The following TULP4 variants were observed in gnomAD, a reference collection of about 807,000 sequenced individuals.
TULP4 encodes the protein tubby-related protein 4.
Under a neutral mutation model 129.0 loss-of-function variants are expected in TULP4, and 16 were observed. The observed-to-expected ratio is 0.12, with a 90% CI of 0.08 to 0.19. TULP4 has a LOEUF of 0.19. TULP4 is among the 10% of genes least tolerant of loss of function. The probability of loss-of-function intolerance (pLI) is 1.00; values close to 1 mark genes in which losing one functional copy is unlikely to be tolerated. For synonymous variants in TULP4, 998 were observed against 854.0 expected (o/e 1.17, Z -2.94); for missense variants, 1,842 against 2,059.1 (o/e 0.89, Z 2.04).
At chr6:158,367,035 G>T (rs1776927135) in intron 1 of TULP4, among the ~76,000 whole-genome samples, 1 of 146,326 alleles carries the variant, frequency 6.8e-6, no homozygotes, top group Admixed American at 6.9e-5. Flanking sequence ...TATTTTCTAA[G>T]CTGGACTTTG....
At chr6:158,352,268 T>C (rs1469880315) in intron 1 of TULP4, among the ~76,000 whole-genome samples, 1 of 152,346 alleles carries the variant, frequency 6.6e-6, no homozygotes, top group African/African-American at 2.4e-5. Flanking sequence ...CTAAAATTTC[T>C]AGATCTTATG....
chr6:158,254,495 G>C lies in TULP4; in HGVS notation n.68+22192G>C, dbSNP rs182685806. Among the ~76,000 whole-genome samples the C allele has an allele frequency of 4.3e-3, 653 of 152,252 alleles. 2 individuals are homozygous for C. The highest frequency in any genetic ancestry group is 5.1e-3 in the Non-Finnish European group (346 of 68,006). ...CCATTAGTAGATTACACATACTTCA[G>C]TTTGGCCAGATAAGAGTGTTGGCCT... On this transcript the variant is annotated intron_variant and non_coding_transcript_variant, in intron 1 of 1. Coordinates refer to the TULP4 transcript ENST00000620026.
At chr6:158,334,713 A>G (rs1779992309) in intron 1 of TULP4, among the ~76,000 whole-genome samples, 1 of 152,162 alleles carries the variant, frequency 6.6e-6, no homozygotes, top group Non-Finnish European at 1.5e-5. Flanking sequence ...TGTCCTCCAA[A>G]ATTCACATGT....
chr6:158,422,790 C>T (rs1236005009), intron 2 of TULP4, among the ~76,000 whole-genome samples: 1 of 152,172 alleles, frequency 6.6e-6, no homozygotes, highest in African/African-American at 2.4e-5. Context: ...ATGTAGCCTG[C>T]GGAAAACGCT....
At chr6:158,271,149 CA>C (rs1220844247) in intron 1 of TULP4, among the ~76,000 whole-genome samples, 23,896 of 79,142 alleles carry the variant, frequency 0.3, 1,700 homozygotes, top group East Asian at 0.48. Context: ...GACTCTGTCT[CA>C]AAAAAAAAAA....
At chr6:158,330,959 C>T (rs1177190633) in intron 1 of TULP4, among the ~76,000 whole-genome samples, 1 of 152,124 alleles carries the variant, frequency 6.6e-6, no homozygotes, top group Admixed American at 6.5e-5. Flanking sequence ...AGCCAGAATA[C>T]TACATAAATG....
intron 3 of TULP4, among the ~76,000 whole-genome samples, chr6:158,441,509 C>T (rs1322779655): frequency 6.6e-6 from 1 of 152,148 alleles, no homozygotes; most frequent in Non-Finnish European, 1.5e-5. Flanking sequence ...AGCGTTTAGC[C>T]AGATGGTGAA....
intron 1 of TULP4, among the ~76,000 whole-genome samples, chr6:158,339,642 A>G (rs1780133867): frequency 6.6e-6 from 1 of 152,136 alleles, no homozygotes; most frequent in African/African-American, 2.4e-5. Flanking sequence ...ATTCAGCAAT[A>G]TTTCTCTTAC....
At chr6:158,320,679 G>A (rs1000445277) in intron 1 of TULP4, among the ~76,000 whole-genome samples, 7 of 152,116 alleles carry the variant, frequency 4.6e-5, no homozygotes, top group South Asian at 2.1e-4. Context: ...TGATCCACCC[G>A]CCTCAGCCTC....
chr6:158,346,463 C>T (rs181418486), intron 1 of TULP4, among the ~76,000 whole-genome samples: 133 of 151,988 alleles, frequency 8.8e-4, no homozygotes, highest in African/African-American at 3.0e-3. Context: ...ACATAACTCT[C>T]GTATGCACTA....
intron 8 of TULP4, among the ~76,000 whole-genome samples, chr6:158,485,095 G>A (rs138353813): frequency 1.8e-4 from 28 of 152,320 alleles, no homozygotes; most frequent in African/African-American, 6.7e-4. Flanking sequence ...TGGATGAAAG[G>A]TGATCCTATA....
chr6:158,381,613 T>C (rs918762703), intron 1 of TULP4, among the ~76,000 whole-genome samples: 5 of 152,214 alleles, frequency 3.3e-5, no homozygotes, highest in African/African-American at 9.7e-5. Context: ...CTTTGCAGGC[T>C]TGATGGTCAT....
rs1160814801 is a variant in TULP4, at chr6:158,351,707, CTTTTTTTTTTTT to C, written c.252+37457_252+37468del. On this transcript the variant is annotated intron_variant, in intron 1 of 13. Coordinates refer to ENST00000367097, the MANE Select transcript of TULP4 (RefSeq NM_020245.5). ...AGTAGCATCTTTTTGTGTTGTTAAA[CTTTTTTTTTTTT>C]TTTTTTTTTTTTTTTTTGAGACAGA... Among the ~76,000 whole-genome samples, 308 of 50,532 alleles carry C rather than the reference CTTTTTTTTTTTT, an allele frequency of 6.1e-3. 5 individuals carry two copies. The highest frequency in any genetic ancestry group is 0.022 in the African/African-American group (275 of 12,274). The allele number at this position is 50,532 out of a possible 152,430, so 33.2% of individuals were successfully genotyped here.
At position 158,241,236 on chromosome 6, in the gene TULP4, G is replaced by A. The variant is rs1436447042; in HGVS notation, n.68+8933G>A. Among the ~76,000 whole-genome samples, 17 of 125,860 alleles carry A rather than the reference G, an allele frequency of 1.4e-4. 1 individual carries two copies. In the South Asian group the frequency reaches 2.3e-3, roughly 17 times the overall value. 82.6% of individuals were successfully genotyped at this position (125,860 alleles called of 152,430 possible). On this transcript the variant is annotated intron_variant and non_coding_transcript_variant, in intron 1 of 1. Transcript: ENST00000620026. ...TCACTTCCTAGATGGGATGGCGGCCGGGCGGAGACGCTCCTCACTTTCCAG... is the reference window on the plus strand; with the variant it reads ...TCACTTCCTAGATGGGATGGCGGCCAGGCGGAGACGCTCCTCACTTTCCAG...
intron 2 of TULP4, among the ~76,000 whole-genome samples, chr6:158,420,195 A>G (rs1434271058): frequency 6.6e-6 from 1 of 152,260 alleles, no homozygotes; most frequent in Admixed American, 6.5e-5. Flanking sequence ...TTGATTTATG[A>G]ACACTGAAAT....
At chr6:158,365,253 A>G (rs984193753) in intron 1 of TULP4, among the ~76,000 whole-genome samples, 2 of 151,644 alleles carry the variant, frequency 1.3e-5, no homozygotes, top group East Asian at 1.9e-4. Context: ...TTTTATCTCT[A>G]TTCTATACAC....
At chr6:158,395,430 A>G (rs1777686261) in intron 1 of TULP4, among the ~76,000 whole-genome samples, 1 of 151,818 alleles carries the variant, frequency 6.6e-6, no homozygotes, top group Admixed American at 6.6e-5. Context: ...AAAATACAAA[A>G]ATTAGCTGGG....
At chr6:158,301,514 A>G (rs1779130543) in intron 1 of TULP4, among the ~76,000 whole-genome samples, 2 of 152,178 alleles carry the variant, frequency 1.3e-5, no homozygotes, top group Non-Finnish European at 1.5e-5. Context: ...AAGGAACCAC[A>G]ATTAAATTCG....
chr6:158,243,395 G>C (rs1777963136), intron 1 of TULP4, among the ~76,000 whole-genome samples: 1 of 151,752 alleles, frequency 6.6e-6, no homozygotes, highest in African/African-American at 2.4e-5. Flanking sequence ...ATATATTTGT[G>C]TGTATGTATG....
Sources: allele counts gnomAD v4.1 joint callset (sites outside exome capture counted in the v4.1 genomes callset), GRCh38; gene constraint gnomAD v4.1.1; transcripts MANE v1.5; gene names NCBI Gene and HGNC (gene_info 2026-07-23, HGNC 2026-07-21).